SH3PXD2A: variants seen among roughly 807,000 people sequenced by gnomAD.
SH3PXD2A encodes the protein SH3 and PX domain-containing protein 2A.
SH3PXD2A carries 32 observed loss-of-function variants against 115.2 expected under a neutral mutation model. The observed-to-expected ratio is 0.28, with a 90% CI of 0.21 to 0.37. The LOEUF (loss-of-function observed/expected upper bound fraction) is 0.37, where lower values mean the gene tolerates loss of function less well. Ranked by LOEUF, SH3PXD2A falls within the 10% of genes least tolerant of loss-of-function variation. SH3PXD2A has a pLI of 1.00. For missense variants in SH3PXD2A, 1,328 were observed against 1,498.7 expected (o/e 0.89, Z 1.88); for synonymous variants, 610 against 629.1 (o/e 0.97, Z 0.45).
At chr10:103,795,954 GGAAA>G (rs1388611106) in intron 2 of SH3PXD2A, among the ~76,000 whole-genome samples, 8 of 149,946 alleles carry the variant, frequency 5.3e-5, no homozygotes, top group African/African-American at 1.7e-4. Flanking sequence ...AAGGAAGGAA[GGAAA>G]CCAGAGACAT....
At chr10:103,838,469 T>C (rs2039567246) in intron 1 of SH3PXD2A, among the ~76,000 whole-genome samples, 1 of 152,208 alleles carries the variant, frequency 6.6e-6, no homozygotes, top group Non-Finnish European at 1.5e-5. Flanking sequence ...ATGGCACAGC[T>C]GAAATTTGAA....
intron 9 of SH3PXD2A, among the ~76,000 whole-genome samples, chr10:103,624,394 G>C (rs1200847633): frequency 6.6e-6 from 1 of 152,162 alleles, no homozygotes; most frequent in Non-Finnish European, 1.5e-5. Flanking sequence ...TCTGGTCTTG[G>C]CTCTATCACA....
chr10:103,815,808 G>C (rs1283940532), intron 1 of SH3PXD2A, among the ~76,000 whole-genome samples: 3 of 151,582 alleles, frequency 2.0e-5, no homozygotes. Flanking sequence ...ACAATCGCTT[G>C]AACCTGGGAG....
chr10:103,855,141 G>T, intron 1 of SH3PXD2A, 54 bp downstream of exon 1: 1 of 1,354,660 alleles, frequency 7.4e-7, no homozygotes, highest in Non-Finnish European at 1.0e-6. Flanking sequence ...GCCATCCGGG[G>T]CCCTCCCGGG....
intron 7 of SH3PXD2A, 87 bp downstream of exon 7, chr10:103,668,521 C>T (rs1214853714): frequency 2.6e-6 from 3 of 1,141,662 alleles, no homozygotes; most frequent in Non-Finnish European, 3.9e-6. Flanking sequence ...CACAGGGAAG[C>T]ATGCGCAGGG....
At chr10:103,625,177 G>A (rs1273589544) in intron 9 of SH3PXD2A, among the ~76,000 whole-genome samples, 3 of 152,188 alleles carry the variant, frequency 2.0e-5, no homozygotes, top group African/African-American at 7.2e-5. Context: ...GTTCCAACCA[G>A]GCTGGCATCT....
At chr10:103,800,041 G>A (rs1199953260) in intron 2 of SH3PXD2A, among the ~76,000 whole-genome samples, 2 of 152,166 alleles carry the variant, frequency 1.3e-5, no homozygotes, top group East Asian at 3.8e-4. Flanking sequence ...TCTCCAAGAT[G>A]ACTGACAACC....
Position 103,603,021 on chromosome 10 carries a change from T to G in SH3PXD2A, c.2197A>C (p.Lys733Gln), listed in dbSNP as rs763904336. The G allele has an allele frequency of 1.2e-6, 2 of 1,614,016 alleles. No individual in the cohort carries two copies. The highest frequency in any genetic ancestry group is 2.2e-5 in the South Asian group (2 of 91,090). Residue 733 changes from lysine to glutamine, a missense_variant, in exon 15 of 15, where the codon AAG becomes CAG. This residue lies in a region of SH3PXD2A where 574 missense variants were observed against 565.7 expected (regional missense o/e 1.01). Transcript: ENST00000369774. ...ASDAGIRGTP[K>Q]VRAKKDADAN... ...TCAGCATCCTTCTTTGCCCTGACCT[T>G]GGGAGTGCCGCGGATGCCTGCGTCC...
At chr10:103,836,612 C>G (rs546251510) in intron 1 of SH3PXD2A, among the ~76,000 whole-genome samples, 1 of 151,582 alleles carries the variant, frequency 6.6e-6, no homozygotes, top group African/African-American at 2.4e-5. Context: ...AACCCCCACA[C>G]AGACATGTCC....
At chr10:103,843,618 C>A (rs1379394877) in intron 1 of SH3PXD2A, among the ~76,000 whole-genome samples, 1 of 152,212 alleles carries the variant, frequency 6.6e-6, no homozygotes, top group Non-Finnish European at 1.5e-5. Flanking sequence ...TCCGCTCCAA[C>A]CACATCATGT....
At chr10:103,647,853 C>T (rs2037058198) in intron 8 of SH3PXD2A, among the ~76,000 whole-genome samples, 1 of 152,138 alleles carries the variant, frequency 6.6e-6, no homozygotes, top group Non-Finnish European at 1.5e-5. Context: ...CGTTCATGCC[C>T]AAGCACGAAA....
intron 7 of SH3PXD2A, among the ~76,000 whole-genome samples, chr10:103,662,341 C>CGGGGCGG (rs1554908094): frequency 9.4e-5 from 1 of 10,628 alleles, no homozygotes; most frequent in African/African-American, 2.7e-4. Context: ...CCATTATTGG[C>CGGGGCGG]GGGGGGGGGG....
chr10:103,801,139 C>T (rs1222003034), intron 2 of SH3PXD2A, 143 bp downstream of exon 2: 2 of 613,420 alleles, frequency 3.3e-6, no homozygotes, highest in Non-Finnish European at 5.9e-6. Flanking sequence ...CTCCACCTTC[C>T]AGCTTCCCTC....
At position 103,595,209 on chromosome 10, in the gene SH3PXD2A, G is replaced by GT. The variant is rs139559125; in HGVS notation, c.*6606dup. Reference sequence around the variant, plus strand: ...CCAGCGTGTGGCCCAATGAGTGGCAGTTTTTTCCTAGCCAGTTTCTGTGGC... The same window carrying GT: ...CCAGCGTGTGGCCCAATGAGTGGCAGTTTTTTTCCTAGCCAGTTTCTGTGGC... On this transcript the variant is annotated 3_prime_UTR_variant, in exon 15 of 15. Coordinates refer to ENST00000369774, the MANE Select transcript of SH3PXD2A (RefSeq NM_001394015.1). 5.3e-5 allele frequency: 8 copies of GT among 152,288 alleles called. No individual in the cohort carries two copies. Among genetic ancestry groups the GT allele is most frequent in the African/African-American group, 1.9e-4 (8 of 41,558 alleles). The allele number at this position is 152,288 out of a possible 1,614,324, so 9.4% of individuals were successfully genotyped here.
intron 9 of SH3PXD2A, among the ~76,000 whole-genome samples, chr10:103,625,914 G>A (rs938705127): frequency 2.6e-5 from 4 of 152,232 alleles, no homozygotes. Context: ...AAAGAATGTG[G>A]AACTAGGTAG....
intron 3 of SH3PXD2A, among the ~76,000 whole-genome samples, chr10:103,739,819 C>G (rs1267340317): frequency 6.6e-6 from 1 of 152,240 alleles, no homozygotes; most frequent in Non-Finnish European, 1.5e-5. Flanking sequence ...GCTGCGACGT[C>G]TAAGCAGTAA....
intron 6 of SH3PXD2A, among the ~76,000 whole-genome samples, chr10:103,672,145 C>T (rs770539499): frequency 6.6e-6 from 1 of 152,162 alleles, no homozygotes; most frequent in Non-Finnish European, 1.5e-5. Context: ...ATTAGCCGGG[C>T]ATGATGGTGA....
intron 13 of SH3PXD2A, among the ~76,000 whole-genome samples, chr10:103,611,361 A>G (rs1414883272): frequency 1.3e-5 from 2 of 152,200 alleles, no homozygotes; most frequent in Non-Finnish European, 2.9e-5. Context: ...TTTGGAGTGC[A>G]GTGTGTTTCC....
At chr10:103,643,914 A>G (rs2036993198) in intron 8 of SH3PXD2A, among the ~76,000 whole-genome samples, 1 of 151,146 alleles carries the variant, frequency 6.6e-6, no homozygotes, top group Non-Finnish European at 1.5e-5. Context: ...GATCGAGACT[A>G]TCCTGGCTAA....
Sources: gnomAD v4.1 joint callset for allele counts (sites outside exome capture counted in the v4.1 genomes callset) on GRCh38, gnomAD v4.1.1 for gene constraint, gnomAD v4.1.1 regional missense constraint, MANE v1.5 for transcripts, NCBI Gene and HGNC (gene_info 2026-07-23, HGNC 2026-07-21) for gene names.